The following RNF19B variants were observed in gnomAD, a reference collection of about 807,000 sequenced individuals.
The protein encoded by RNF19B is ring finger protein 19B, also known as E3 ubiquitin-protein ligase RNF19B.
RNF19B carries 23 observed loss-of-function variants against 65.5 expected under a neutral mutation model. That is an observed-to-expected ratio of 0.35 (90% CI 0.25 to 0.50). RNF19B has a LOEUF of 0.50. Ranked by LOEUF, RNF19B falls within the 20% of genes least tolerant of loss-of-function variation. The probability of loss-of-function intolerance (pLI) is 0.98; values close to 1 mark genes in which losing one functional copy is unlikely to be tolerated. For synonymous variants in RNF19B, 372 were observed against 379.6 expected, an observed-to-expected ratio of 0.98 and a Z score of 0.23; for missense variants, 794 against 980.0, an observed-to-expected ratio of 0.81 and a Z score of 2.53.
downstream of RNF19B, among the ~76,000 whole-genome samples, chr1:32,934,576 G>T (rs560139438): frequency 1.3e-5 from 2 of 152,094 alleles, no homozygotes; most frequent in East Asian, 3.9e-4. Flanking sequence ...AGCTACTTGG[G>T]AGTCTGAGAC....
chr1:32,963,794 C>T (rs1181378032), intron 1 of RNF19B, among the ~76,000 whole-genome samples: 1 of 152,204 alleles, frequency 6.6e-6, no homozygotes, highest in East Asian at 1.9e-4. Context: ...AAAAAAACCG[C>T]CTCTCCCTGT....
At chr1:32,951,353 T>A (rs1461880993) in intron 1 of RNF19B, among the ~76,000 whole-genome samples, 1 of 152,224 alleles carries the variant, frequency 6.6e-6, no homozygotes, top group Non-Finnish European at 1.5e-5. Context: ...TGGGCACACT[T>A]GGCACAGCCC....
chr1:32,929,713 A>G, the RNF19B span, among the ~76,000 whole-genome samples: 1 of 152,138 alleles, frequency 6.6e-6, no homozygotes, highest in Non-Finnish European at 1.5e-5. Flanking sequence ...TTGTCTGTAA[A>G]TCTCCATTTT....
intron 6 of RNF19B, 128 bp from the exon 7 acceptor site, chr1:32,942,587 C>A (rs981755108): frequency 1.5e-6 from 1 of 670,808 alleles, no homozygotes; most frequent in African/African-American, 1.8e-5. Context: ...GTGCAGTCGC[C>A]ACATATCAGG....
At chr1:32,941,641 C>G (rs1642234530) in intron 7 of RNF19B, among the ~76,000 whole-genome samples, 1 of 152,160 alleles carries the variant, frequency 6.6e-6, no homozygotes, top group African/African-American at 2.4e-5. Flanking sequence ...TATAAAAATG[C>G]CTACTCTCCC....
chr1:32,936,178 G>A (rs1377711487), downstream of RNF19B, among the ~76,000 whole-genome samples: 1 of 152,160 alleles, frequency 6.6e-6, no homozygotes, highest in Non-Finnish European at 1.5e-5. Context: ...CTTCTAGAGG[G>A]CAAACAAAGT....
At chr1:32,961,777 G>A (rs1394247677) in intron 1 of RNF19B, among the ~76,000 whole-genome samples, 4 of 152,016 alleles carry the variant, frequency 2.6e-5, no homozygotes, top group Non-Finnish European at 5.9e-5. Flanking sequence ...CCAAATAGTT[G>A]AGAGTTGTCA....
chr1:32,961,586 T>C (rs1468294759), intron 1 of RNF19B, among the ~76,000 whole-genome samples: 6 of 152,156 alleles, frequency 3.9e-5, no homozygotes, highest in Non-Finnish European at 8.8e-5. Context: ...AGAGGCCAGC[T>C]TTCTTCTTTC....
chr1:32,937,359 T>C (rs540804675), intron 8 of RNF19B, 100 bp from the exon 9 acceptor site: 7 of 1,570,916 alleles, frequency 4.5e-6, no homozygotes, highest in Admixed American at 3.4e-5. Context: ...TTCAAAAAGA[T>C]AGGTGAACAG....
chr1:32,957,232 T>C (rs1380209314), intron 1 of RNF19B, among the ~76,000 whole-genome samples: 2 of 152,158 alleles, frequency 1.3e-5, no homozygotes, highest in Non-Finnish European at 2.9e-5. Context: ...CTCGAACTCC[T>C]GGGCTCAACT....
downstream of RNF19B, among the ~76,000 whole-genome samples, chr1:32,936,015 C>T (rs536974313): frequency 6.6e-6 from 1 of 152,298 alleles, no homozygotes; most frequent in East Asian, 1.9e-4. Flanking sequence ...TCCCAAAGTG[C>T]TGGGATTACA....
intron 5 of RNF19B, 94 bp from the exon 6 acceptor site, chr1:32,944,253 A>G (rs978840795): frequency 3.0e-5 from 41 of 1,382,674 alleles, no homozygotes; most frequent in Non-Finnish European, 3.7e-5. Flanking sequence ...ACCACTTTAT[A>G]AAGAAAGGAA....
In RNF19B at chr1:32,964,279, C is replaced by T; in HGVS notation, c.407G>A (p.Ser136Asn). ...GTCCCGGCACGAGCGGTGCGGACAGCTGAGGAGGCGCGGGGCCCGCTCAGG... is the reference window on the plus strand; with the variant it reads ...GTCCCGGCACGAGCGGTGCGGACAGTTGAGGAGGCGCGGGGCCCGCTCAGG... The part of the protein sequence containing the change: ...LPPERAPRLL[S>N]CPHRSCRDCL... The change falls in exon 1 of 9, where the codon AGC (serine) becomes AAC (asparagine). Residue 136 changes from serine to asparagine, a missense_variant. Around this residue, in one of 3 missense-constraint regions of RNF19B, gnomAD observed 374 missense variants for 423.8 expected, o/e 0.88. Coordinates refer to ENST00000235150, the MANE Select transcript of RNF19B (RefSeq NM_001300826.2). This position sits in a 1 kb window ranked among gnomAD's most constrained non-coding sequence, Gnocchi z 6.5. 1.3e-6 allele frequency: 2 copies of T among 1,530,834 alleles called. No homozygotes were observed. The highest frequency in any genetic ancestry group is 8.8e-7 in the Non-Finnish European group (1 of 1,141,424). The allele number at this position is 1,530,834 out of a possible 1,614,324, so 94.8% of individuals were successfully genotyped here.
the RNF19B span, among the ~76,000 whole-genome samples, chr1:32,930,411 AT>A: frequency 9.1e-4 from 114 of 125,604 alleles, no homozygotes; most frequent in Non-Finnish European, 1.0e-3. Context: ...TGCCCGGCTG[AT>A]TTTTTTTTTT....
intron 3 of RNF19B, 50 bp downstream of exon 3, chr1:32,948,172 T>A (rs755924704): frequency 6.3e-7 from 1 of 1,588,848 alleles, no homozygotes; most frequent in Non-Finnish European, 8.6e-7. Flanking sequence ...TTTCCCTAAA[T>A]CAGTAAGAGA....
At chr1:32,954,248 A>C (rs1407104413) in intron 1 of RNF19B, among the ~76,000 whole-genome samples, 1 of 151,242 alleles carries the variant, frequency 6.6e-6, no homozygotes, top group Non-Finnish European at 1.5e-5. Context: ...AGAACATTGG[A>C]TAGGATCAAC....
At chr1:32,947,980 G>A (rs139209582) in intron 3 of RNF19B, among the ~76,000 whole-genome samples, 2 of 152,096 alleles carry the variant, frequency 1.3e-5, no homozygotes, top group Non-Finnish European at 2.9e-5. Context: ...ACATGAACAA[G>A]TATGGAGGCA....
chr1:32,959,776 G>A (rs900400338), intron 1 of RNF19B, among the ~76,000 whole-genome samples: 3 of 151,144 alleles, frequency 2.0e-5, no homozygotes, highest in African/African-American at 7.3e-5. Context: ...AGTGGCTCAC[G>A]CCTGTAATCC....
chr1:32,934,508 C>A (rs1010809677), downstream of RNF19B, among the ~76,000 whole-genome samples: 14 of 152,052 alleles, frequency 9.2e-5, no homozygotes, highest in African/African-American at 3.4e-4. Flanking sequence ...TGGCAAAACC[C>A]CATCTCTACT....
Sources: gnomAD v4.1 joint callset for allele counts (sites outside exome capture counted in the v4.1 genomes callset) on GRCh38, gnomAD v4.1.1 for gene constraint, gnomAD v4.1.1 regional missense constraint, Gnocchi (gnomAD v3.1) non-coding constraint, MANE v1.5 for transcripts, NCBI Gene and HGNC (gene_info 2026-07-23, HGNC 2026-07-21) for gene names.